Variants in OTOGL observed in about 807,000 individuals in gnomAD.
OTOGL encodes otogelin like, also known as otogelin-like protein.
In OTOGL, 285 loss-of-function variants were observed where a neutral mutation model predicts 318.5. The ratio of observed to expected loss-of-function variants is 0.89; its 90% CI spans 0.81 to 0.99. OTOGL has a LOEUF of 0.99. OTOGL is among the 50% of genes least tolerant of loss of function. The pLI is 0.00. For missense variants in OTOGL, 2,899 were observed against 2,845.6 expected (o/e 1.02, Z -0.43); for synonymous variants, 987 against 936.5 (o/e 1.05, Z -0.99).
At chr12:80,131,581 C>A (rs987305504) in intron 1 of OTOGL, among the ~76,000 whole-genome samples, 7 of 152,104 alleles carry the variant, frequency 4.6e-5, no homozygotes, top group African/African-American at 1.7e-4. Flanking sequence ...TGGGATGAAT[C>A]AAAGGAGGGT....
intron 11 of OTOGL, among the ~76,000 whole-genome samples, chr12:80,239,783 A>T (rs1168714285): frequency 1.3e-5 from 2 of 152,052 alleles, no homozygotes; most frequent in African/African-American, 4.8e-5. Context: ...CAATTGATTA[A>T]TGTTAGCTAT....
intron 26 of OTOGL, among the ~76,000 whole-genome samples, chr12:80,292,134 A>G (rs1294967295): frequency 6.6e-6 from 1 of 152,026 alleles, no homozygotes; most frequent in African/African-American, 2.4e-5. Flanking sequence ...GATTACAGGC[A>G]TGCGCCACCA....
chr12:80,252,543 T>C (rs1044807302), intron 13 of OTOGL, among the ~76,000 whole-genome samples: 3 of 152,328 alleles, frequency 2.0e-5, no homozygotes, highest in African/African-American at 7.2e-5. Context: ...TTCACATTTT[T>C]CTGGCACAAT....
At position 80,308,981 on chromosome 12, in the gene OTOGL, GGGGAGAGGGAGA is replaced by G. The variant is rs59424577; in HGVS notation, c.3334-1610_3334-1599del. Reference sequence around the variant, plus strand: ...GGAAAGAGAGGGAGAGGGAGACCGTGGGGAGAGGGAGAGGGAGAGGGAGAGGGAGAGAAGAAG... The same window carrying G: ...GGAAAGAGAGGGAGAGGGAGACCGTGGGGAGAGGGAGAGGGAGAGAAGAAG... On this transcript the variant is annotated intron_variant, in intron 29 of 58. Transcript: ENST00000547103. 7.6e-4 allele frequency among the ~76,000 whole-genome samples: 114 copies of G among 149,472 alleles called. 2 individuals carry two copies. In the East Asian group the frequency reaches 0.014, roughly 18 times the overall value.
intron 27 of OTOGL, among the ~76,000 whole-genome samples, chr12:80,301,690 C>A (rs147093468): frequency 2.6e-4 from 40 of 152,270 alleles, no homozygotes; most frequent in East Asian, 1.9e-4. Context: ...TTGCAAGAAG[C>A]CTTATGGAGT....
rs71463869 is a variant in OTOGL at position 80,338,280 on chromosome 12, T to C, written c.4861-795T>C. ...GTTTGTAGTCGGATCAAACAGGTCTTTTCTGGGGGAGGTCACACTTAAGAT... is the reference window on the plus strand; with the variant it reads ...GTTTGTAGTCGGATCAAACAGGTCTCTTCTGGGGGAGGTCACACTTAAGAT... On this transcript the variant is annotated intron_variant, in intron 42 of 58. Transcript: ENST00000547103. 8.7e-3 allele frequency among the ~76,000 whole-genome samples: 1,323 copies of C among 152,110 alleles called. 17 individuals are homozygous for C. Among genetic ancestry groups the C allele is most frequent in the African/African-American group, 0.029 (1,188 of 41,526 alleles).
chr12:80,165,297 T>G (rs947360250), intron 1 of OTOGL, among the ~76,000 whole-genome samples: 4 of 152,222 alleles, frequency 2.6e-5, no homozygotes, highest in Non-Finnish European at 5.9e-5. Context: ...CCATTTATTC[T>G]AATCTTTGCT....
At chr12:80,308,466 G>A (rs904506446) in intron 29 of OTOGL, among the ~76,000 whole-genome samples, 20 of 151,330 alleles carry the variant, frequency 1.3e-4, no homozygotes, top group African/African-American at 4.6e-4. Context: ...GGGAAGAGAC[G>A]CTCCTCACTT....
At chr12:80,120,065 AT>A (rs531788821) in intron 1 of OTOGL, among the ~76,000 whole-genome samples, 44 of 145,396 alleles carry the variant, frequency 3.0e-4, no homozygotes, top group African/African-American at 9.3e-4. Context: ...ACTTTTTACC[AT>A]TTTTTTTTTC....
chr12:80,187,259 G>GT lies in OTOGL; in HGVS notation c.-19-22149dup, dbSNP rs1306129697. Among the ~76,000 whole-genome samples, 269 of 150,662 alleles carry GT rather than the reference G, an allele frequency of 1.8e-3. 1 individual carries two copies. Among genetic ancestry groups the GT allele is most frequent in the African/African-American group, 6.4e-3 (262 of 40,762 alleles). Reference sequence around the variant, plus strand: ...GACGACTTAGGCAAGTGGCCAGGTTGTTTTTGTTTTTTTTTTTTATACCGA... The same window carrying GT: ...GACGACTTAGGCAAGTGGCCAGGTTGTTTTTTGTTTTTTTTTTTTATACCGA... On this transcript the variant is annotated intron_variant, in intron 1 of 58. Coordinates refer to ENST00000547103, the MANE Select transcript of OTOGL (RefSeq NM_001378609.3).
At chr12:80,175,622 A>G (rs967276379) in intron 1 of OTOGL, among the ~76,000 whole-genome samples, 1 of 152,160 alleles carries the variant, frequency 6.6e-6, no homozygotes, top group Non-Finnish European at 1.5e-5. Context: ...CAGGTTCTAT[A>G]TAAGCTTTTC....
intron 53 of OTOGL, 83 bp downstream of exon 53, chr12:80,366,720 C>A: frequency 4.2e-6 from 2 of 470,816 alleles, no homozygotes; most frequent in East Asian, 4.9e-5. Context: ...TTAAAAATCT[C>A]ATTTTTGAGA....
chr12:80,351,844 T>C (rs1475589024), intron 44 of OTOGL, among the ~76,000 whole-genome samples: 1 of 152,246 alleles, frequency 6.6e-6, no homozygotes, highest in Non-Finnish European at 1.5e-5. Context: ...CAAATGTTTA[T>C]AAATTATGTA....
chr12:80,293,686 C>T (rs528299401), intron 26 of OTOGL, among the ~76,000 whole-genome samples: 48 of 151,882 alleles, frequency 3.2e-4, no homozygotes, highest in Non-Finnish European at 6.3e-4. Flanking sequence ...TCAGCTCCTA[C>T]TCTTCCTTAT....
rs1380478196 is a variant in OTOGL, at chr12:80,278,215, G to A, written c.2729G>A (p.Cys910Tyr). 1 of 1,547,156 alleles carries A rather than the reference G, an allele frequency of 6.5e-7. No homozygotes were observed. The highest frequency in any genetic ancestry group is 8.7e-7 in the Non-Finnish European group (1 of 1,144,468). Residue 910 changes from cysteine to tyrosine, a missense_variant, in exon 25 of 59, where the codon TGT (cysteine) becomes TAT (tyrosine). Cys to Tyr is a radical substitution (Grantham distance 194, BLOSUM62 -2). Around this residue, in one of 3 missense-constraint regions of OTOGL, gnomAD observed 2,607 missense variants for 2,524.9 expected, o/e 1.03. Transcript: ENST00000547103. Reference protein sequence around the residue: ...GKCYVPESCPCIWKDWEYLSG... With the variant: ...GKCYVPESCPYIWKDWEYLSG... The stretch of plus-strand genomic sequence containing the variant: ...TGTTATGTTCCTGAAAGCTGCCCAT[G>A]TATTTGGAAAGATTGGGAGTATCTC...
chr12:80,258,767 C>T (rs559563736), intron 18 of OTOGL, among the ~76,000 whole-genome samples: 1 of 151,862 alleles, frequency 6.6e-6, no homozygotes, highest in South Asian at 2.1e-4. Context: ...GTTGAAATCA[C>T]AGAAGCAAAG....
At chr12:80,264,316 A>G (rs1565940068) in intron 19 of OTOGL, among the ~76,000 whole-genome samples, 1 of 152,170 alleles carries the variant, frequency 6.6e-6, no homozygotes, top group Non-Finnish European at 1.5e-5. Context: ...GATTTCAGGA[A>G]ATGATTACAC....
At chr12:80,263,821 T>G (rs1181899859) in intron 19 of OTOGL, among the ~76,000 whole-genome samples, 1 of 152,138 alleles carries the variant, frequency 6.6e-6, no homozygotes, top group Non-Finnish European at 1.5e-5. Context: ...TTAGTTATCC[T>G]TAACTTAATG....
At chr12:80,158,396 C>T (rs1388774030) in intron 1 of OTOGL, among the ~76,000 whole-genome samples, 2 of 151,818 alleles carry the variant, frequency 1.3e-5, no homozygotes, top group Non-Finnish European at 2.9e-5. Flanking sequence ...TTTAGAAATC[C>T]ATTGCACCCA....
Sources: allele counts gnomAD v4.1 joint callset (sites outside exome capture counted in the v4.1 genomes callset), GRCh38; gene constraint gnomAD v4.1.1; regional missense constraint gnomAD v4.1.1; transcripts MANE v1.5; gene names NCBI Gene and HGNC (gene_info 2026-07-23, HGNC 2026-07-21).